Variants in KLF12 observed in about 807,000 individuals in gnomAD.
KLF12 encodes KLF transcription factor 12, also known as Krueppel-like factor 12.
A neutral mutation model predicts 37.8 loss-of-function variants in KLF12; 9 were observed. The observed-to-expected ratio is 0.24, with a 90% CI of 0.14 to 0.42. The LOEUF (loss-of-function observed/expected upper bound fraction) is 0.42, where lower values mean the gene tolerates loss of function less well. KLF12 is among the 10% of genes least tolerant of loss of function. The pLI is 1.00. For synonymous variants in KLF12, 208 were observed against 202.1 expected, an observed-to-expected ratio of 1.03 and a Z score of -0.25; for missense variants, 411 against 516.0, an observed-to-expected ratio of 0.80 and a Z score of 1.97.
chr13:74,081,113 A>G (rs980144637), intron 1 of KLF12, among the ~76,000 whole-genome samples: 2 of 152,218 alleles, frequency 1.3e-5, no homozygotes, highest in Non-Finnish European at 2.9e-5. Flanking sequence ...CTAGTCAACC[A>G]ATTAAACAGC....
chr13:73,851,885 G>A (rs987830925), intron 3 of KLF12, among the ~76,000 whole-genome samples: 1 of 152,186 alleles, frequency 6.6e-6, no homozygotes, highest in African/African-American at 2.4e-5. Context: ...TAGGTGAAGA[G>A]CCAAATTCCT....
intron 7 of KLF12, among the ~76,000 whole-genome samples, chr13:73,707,219 G>A (rs372306822): frequency 6.6e-6 from 1 of 152,126 alleles, no homozygotes; most frequent in Non-Finnish European, 1.5e-5. Flanking sequence ...ACCTGCCCAT[G>A]TCCACGTGCC....
intron 1 of KLF12, among the ~76,000 whole-genome samples, chr13:74,061,436 C>T (rs557941046): frequency 6.6e-6 from 1 of 152,150 alleles, no homozygotes; most frequent in Non-Finnish European, 1.5e-5. Context: ...AAGCATACTA[C>T]AGTTTTTCCT....
intron 1 of KLF12, among the ~76,000 whole-genome samples, chr13:74,088,429 T>C (rs963901415): frequency 2.6e-5 from 4 of 152,108 alleles, no homozygotes; most frequent in Non-Finnish European, 5.9e-5. Flanking sequence ...CATTTCACCA[T>C]GTTGGCCAGG....
intron 2 of KLF12, among the ~76,000 whole-genome samples, chr13:73,950,173 T>C (rs1026106944): frequency 2.0e-5 from 3 of 152,232 alleles, no homozygotes; most frequent in Non-Finnish European, 4.4e-5. Context: ...CACAACAATG[T>C]GCAGTTTATA....
chr13:74,242,475 A>T, the KLF12 span, among the ~76,000 whole-genome samples: 2 of 152,168 alleles, frequency 1.3e-5, no homozygotes, highest in Non-Finnish European at 2.9e-5. Context: ...TACCACAAGA[A>T]TAGTATGTGG....
intron 1 of KLF12, among the ~76,000 whole-genome samples, chr13:74,091,886 TA>T (rs1445707680): frequency 6.6e-6 from 1 of 152,014 alleles, no homozygotes; most frequent in Non-Finnish European, 1.5e-5. Flanking sequence ...GGGATGTTGA[TA>T]ATGAAGGAGG....
At chr13:74,117,855 TGAAATAAAAAGA>T (rs1877398482) in intron 1 of KLF12, among the ~76,000 whole-genome samples, 1 of 152,040 alleles carries the variant, frequency 6.6e-6, no homozygotes, top group Admixed American at 6.5e-5. Context: ...CTTAAGGTCA[TGAAATAAAAAGA>T]GAGACTAAGA....
At chr13:74,134,158 T>G (rs1292048970), upstream of KLF12, among the ~76,000 whole-genome samples, 1 of 93,092 alleles carries the variant, frequency 1.1e-5, no homozygotes, top group Non-Finnish European at 2.3e-5. Flanking sequence ...GGAGAGGCGC[T>G]TGGGGTGGGG....
intron 2 of KLF12, among the ~76,000 whole-genome samples, chr13:73,991,782 C>T (rs1891977365): frequency 6.6e-6 from 1 of 152,206 alleles, no homozygotes; most frequent in South Asian, 2.1e-4. Flanking sequence ...GCTTTTGGAG[C>T]AGCTATGGCT....
intron 1 of KLF12, among the ~76,000 whole-genome samples, chr13:74,115,012 A>C (rs1450552741): frequency 2.0e-5 from 3 of 151,912 alleles, no homozygotes; most frequent in Admixed American, 2.0e-4. Flanking sequence ...CTAAGGTAGA[A>C]ACCATTCCCA....
intron 3 of KLF12, among the ~76,000 whole-genome samples, chr13:73,926,260 C>T (rs531402604): frequency 1.3e-5 from 2 of 152,248 alleles, no homozygotes; most frequent in African/African-American, 4.8e-5. Context: ...GAAATTGCCA[C>T]AGCCACCCCA....
At chr13:74,182,721 A>G in the KLF12 span, among the ~76,000 whole-genome samples, 36 of 152,220 alleles carry the variant, frequency 2.4e-4, no homozygotes, top group African/African-American at 8.2e-4. Context: ...TAATTGATAC[A>G]TTTCCTTATA....
chr13:73,801,079 A>G (rs570637689), intron 5 of KLF12: 2 of 152,256 alleles, frequency 1.3e-5, no homozygotes, highest in South Asian at 2.1e-4. Flanking sequence ...TAAAACATCA[A>G]TGAGATAAGA....
the KLF12 span, among the ~76,000 whole-genome samples, chr13:74,160,076 C>CT: frequency 6.8e-6 from 1 of 147,456 alleles, no homozygotes; most frequent in South Asian, 2.2e-4. Context: ...TGGTGGTTAT[C>CT]TTTTTTCTAG....
chr13:73,796,472 CTCTCCCTG>C (rs1881972114), intron 5 of KLF12, among the ~76,000 whole-genome samples: 2 of 151,666 alleles, frequency 1.3e-5, no homozygotes, highest in South Asian at 4.2e-4. Context: ...CTTTCTCCCT[CTCTCCCTG>C]TCTGTCTCTT....
intron 4 of KLF12, among the ~76,000 whole-genome samples, chr13:73,824,273 C>T (rs777236442): frequency 3.3e-5 from 5 of 152,238 alleles, no homozygotes; most frequent in East Asian, 1.9e-4. Flanking sequence ...AGATGAGCCC[C>T]GTAGTTGTGC....
At chr13:73,695,694 A>C in intron 7 of KLF12, 23 bp from the exon 8 acceptor site, 1 of 1,609,858 alleles carries the variant, frequency 6.2e-7, no homozygotes, top group Non-Finnish European at 8.5e-7. Flanking sequence ...AAGGAACACA[A>C]GCTTTGGTGC....
chr13:73,893,928 C>CAAAGG (rs1887633081), intron 3 of KLF12, among the ~76,000 whole-genome samples: 1 of 151,966 alleles, frequency 6.6e-6, no homozygotes, highest in Admixed American at 6.6e-5. Context: ...CTAGAAAGAC[C>CAAAGG]AAAGGAAGAG....
Sources: allele counts gnomAD v4.1 joint callset (sites outside exome capture counted in the v4.1 genomes callset), GRCh38; gene constraint gnomAD v4.1.1; transcripts MANE v1.5; gene names NCBI Gene and HGNC (gene_info 2026-07-23, HGNC 2026-07-21).